Variants in C10orf53 observed in about 807,000 individuals in gnomAD.
The protein encoded by C10orf53 is chromosome 10 open reading frame 53, also known as UPF0728 protein C10orf53.
In C10orf53, 8 loss-of-function variants were observed where a neutral mutation model predicts 9.4. The ratio of observed to expected loss-of-function variants is 0.85; its 90% CI spans 0.50 to 1.53. C10orf53 has a LOEUF of 1.53. Ranked by LOEUF, C10orf53 falls within the 40% of genes most tolerant of loss-of-function variation. The probability of loss-of-function intolerance (pLI) is 0.00; values close to 1 mark genes in which losing one functional copy is unlikely to be tolerated. For missense variants in C10orf53, 117 were observed against 117.8 expected (o/e 0.99, Z 0.03); for synonymous variants, 48 against 46.0 (o/e 1.04, Z -0.18).
chr10:49,682,013 C>A (rs760888318), intron 1 of C10orf53, among the ~76,000 whole-genome samples: 2 of 152,074 alleles, frequency 1.3e-5, no homozygotes, highest in African/African-American at 2.4e-5. Context: ...TCTCTTCCTC[C>A]CCCTCTGATG....
chr10:49,685,047 T>G (rs1840514369), intron 1 of C10orf53, among the ~76,000 whole-genome samples: 1 of 152,154 alleles, frequency 6.6e-6, no homozygotes. Context: ...ACATAGAAAC[T>G]CTACCTCTGT....
chr10:49,687,984 G>A (rs77924723), intron 1 of C10orf53, among the ~76,000 whole-genome samples: 3,226 of 152,294 alleles, frequency 0.021, 102 homozygotes, highest in African/African-American at 0.07. Flanking sequence ...TGGAAATTAC[G>A]TTCTGGAGTT....
chr10:49,710,116 A>T (rs1473594812), exon 3 of C10orf53: 3 of 152,268 alleles, frequency 2.0e-5, no homozygotes, highest in African/African-American at 7.3e-5. Context: ...CCACCATAGC[A>T]CTTGTCCCAT....
Position 49,694,973 on chromosome 10 carries a change from A to G in C10orf53, c.*371A>G. Reference sequence around the variant, plus strand: ...TGAGATTCCATTGTTTAGTACTCAAAGTGCTCAGAACAGGTGAAATTAAAG... The same window carrying G: ...TGAGATTCCATTGTTTAGTACTCAAGGTGCTCAGAACAGGTGAAATTAAAG... On this transcript the variant is annotated 3_prime_UTR_variant, in exon 3 of 3. Coordinates refer to ENST00000374111, the MANE Select transcript of C10orf53 (RefSeq NM_001042427.3). 1 of 1,018,080 alleles carries G rather than the reference A, an allele frequency of 9.8e-7. No individual in the cohort carries two copies. The highest frequency in any genetic ancestry group is 1.2e-6 in the Non-Finnish European group (1 of 848,754). 63.1% of individuals were successfully genotyped at this position (1,018,080 alleles called of 1,614,324 possible). A position where few individuals can be genotyped will look rare whatever the true frequency, so the allele number is the denominator to read the frequency against.
At position 49,694,552 on chromosome 10, in the gene C10orf53, C is replaced by T; in HGVS notation, c.232C>T (p.Leu78=). ...KDLEFGGDGK[L]DPLCEKARIA... is the part of the protein sequence containing the mutation. ...TGTTTCCCTAGGAGGCGATGGTAAACTAGACCCACTGTGTGAAAAGGCCAG... is the reference window on the plus strand; with the variant it reads ...TGTTTCCCTAGGAGGCGATGGTAAATTAGACCCACTGTGTGAAAAGGCCAG... The change falls in exon 3 of 3, where the codon CTA becomes TTA. Residue 78 remains leucine, a synonymous_variant. Coordinates refer to ENST00000374111, the MANE Select transcript of C10orf53 (RefSeq NM_001042427.3). 3 of 1,614,224 alleles carry T rather than the reference C, an allele frequency of 1.9e-6. No homozygotes were observed. Among genetic ancestry groups the T allele is most frequent in the Non-Finnish European group, 1.7e-6 (2 of 1,180,022 alleles).
chr10:49,702,493 G>A (rs534483422), downstream of C10orf53, among the ~76,000 whole-genome samples: 2 of 152,296 alleles, frequency 1.3e-5, no homozygotes, highest in South Asian at 4.1e-4. Flanking sequence ...TGAAAGGTGG[G>A]ATTTGGAGAA....
At chr10:49,694,001 C>T in intron 2 of C10orf53, 108 bp downstream of exon 2, 1 of 1,514,670 alleles carries the variant, frequency 6.6e-7, no homozygotes, top group Non-Finnish European at 9.1e-7. Flanking sequence ...AATTGGGTTT[C>T]TTTCTGAGTT....
At chr10:49,699,481 C>T (rs1467687178), downstream of C10orf53, among the ~76,000 whole-genome samples, 8 of 151,922 alleles carry the variant, frequency 5.3e-5, no homozygotes, top group African/African-American at 1.9e-4. Context: ...AGGCACAAGC[C>T]ACCACACCCA....
rs191368644 is a variant in C10orf53 at position 49,707,322 on chromosome 10, A to C, written c.218-1039A>C. ...GGCAGAGCCCATATCCACAGGATGG[A>C]CCCCAATGTTAAGCTTTCCCACTCC... On this transcript the variant is annotated intron_variant, in intron 2 of 2. Transcript: ENST00000374112. Among the ~76,000 whole-genome samples, 406 of 152,300 alleles carry C rather than the reference A, an allele frequency of 2.7e-3. 1 individual carries two copies. Among genetic ancestry groups the C allele is most frequent in the African/African-American group, 9.3e-3 (386 of 41,568 alleles).
intron 2 of C10orf53, 195 bp downstream of exon 2, chr10:49,694,088 GATGCTACGA>G: frequency 1.4e-6 from 1 of 701,348 alleles, no homozygotes; most frequent in Non-Finnish European, 2.3e-6. Context: ...TAAAGTGTGT[GATGCTACGA>G]GTTTCCCCAA....
At chr10:49,703,048 G>A (rs1465181143) in intron 2 of C10orf53, among the ~76,000 whole-genome samples, 2 of 151,938 alleles carry the variant, frequency 1.3e-5, no homozygotes, top group East Asian at 3.9e-4. Flanking sequence ...AGGGGAGGGG[G>A]GTCGCCGGGG....
chr10:49,688,674 C>G (rs1052215395), intron 1 of C10orf53, among the ~76,000 whole-genome samples: 3 of 149,690 alleles, frequency 2.0e-5, no homozygotes, highest in Non-Finnish European at 3.0e-5. Context: ...CCCTGGCCCG[C>G]TGCTGCAGCC....
rs79318443 is a variant in C10orf53, at chr10:49,706,680, T to C, written c.218-1681T>C. ...ATGGGGTTGTACAAGTTCATGAACA[T>C]AGTAAAATCCATTGAATTGTACAGT... On this transcript the variant is annotated intron_variant, in intron 2 of 2. Transcript: ENST00000374112. 9.3e-3 allele frequency among the ~76,000 whole-genome samples: 1,420 copies of C among 152,304 alleles called. 32 individuals are homozygous for C. Among genetic ancestry groups the C allele is most frequent in the African/African-American group, 0.033 (1,364 of 41,574 alleles).
At chr10:49,692,104 T>C (rs1348584249) in intron 1 of C10orf53, among the ~76,000 whole-genome samples, 1 of 152,222 alleles carries the variant, frequency 6.6e-6, no homozygotes, top group Non-Finnish European at 1.5e-5. Context: ...TCTCCCTAGA[T>C]GATCAGCTGC....
chr10:49,682,742 G>A (rs1840492082), intron 1 of C10orf53, among the ~76,000 whole-genome samples: 1 of 152,130 alleles, frequency 6.6e-6, no homozygotes, highest in Non-Finnish European at 1.5e-5. Context: ...GCTGATTGGT[G>A]CATTTACAAT....
chr10:49,693,734 C>A, intron 1 of C10orf53, 40 bp from the exon 2 acceptor site: 2 of 1,600,976 alleles, frequency 1.2e-6, no homozygotes, highest in South Asian at 2.2e-5. Flanking sequence ...AGTTTGAAGT[C>A]TGACCCCATG....
intron 1 of C10orf53, among the ~76,000 whole-genome samples, chr10:49,689,522 T>G (rs1009034604): frequency 1.9e-4 from 29 of 152,234 alleles, no homozygotes; most frequent in African/African-American, 6.5e-4. Context: ...ATCTTCCTTA[T>G]AAAAGAAAAA....
At chr10:49,701,937 C>T (rs186767237), downstream of C10orf53, among the ~76,000 whole-genome samples, 24 of 152,272 alleles carry the variant, frequency 1.6e-4, no homozygotes, top group East Asian at 4.4e-3. Context: ...CGTGGTGGCT[C>T]ACACCTGTAA....
At chr10:49,690,001 C>T (rs748871550) in intron 1 of C10orf53, among the ~76,000 whole-genome samples, 1 of 152,046 alleles carries the variant, frequency 6.6e-6, no homozygotes. Flanking sequence ...CGCTGGGAAG[C>T]CATTGAATGT....
Sources: allele counts gnomAD v4.1 joint callset (sites outside exome capture counted in the v4.1 genomes callset), GRCh38; gene constraint gnomAD v4.1.1; transcripts MANE v1.5; gene names NCBI Gene and HGNC (gene_info 2026-07-23, HGNC 2026-07-21).